Variants in ADAM2 observed in about 807,000 individuals in gnomAD.
ADAM2 encodes the protein disintegrin and metalloproteinase domain-containing protein 2.
A neutral mutation model predicts 99.3 loss-of-function variants in ADAM2; 101 were observed. That is an observed-to-expected ratio of 1.02 (90% confidence interval 0.87 to 1.20). The LOEUF is 1.20. ADAM2 is among the 50% of genes most tolerant of loss of function. ADAM2 has a pLI of 0.00. For missense variants in ADAM2, 948 were observed against 878.7 expected, an observed-to-expected ratio of 1.08 and a Z score of -1.00; for synonymous variants, 323 against 287.6, an observed-to-expected ratio of 1.12 and a Z score of -1.25.
Position 39,837,216 on chromosome 8 carries a change from C to T in ADAM2, c.56-4G>A, listed in dbSNP as rs1222730369. 4 of 1,588,040 alleles carry T rather than the reference C, an allele frequency of 2.5e-6. No individual in the cohort carries two copies. The Admixed American group carries it at 6.9e-5, about 27-fold the overall frequency. ...TGCACAGGTAAACTATCAAAATCTG[C>T]AAAATGTGCAAAATGTTTTATTAGA... On this transcript the variant is annotated splice_polypyrimidine_tract_variant and splice_region_variant and intron_variant, in intron 1 of 20. Transcript: ENST00000265708.
rs567990399 is a variant in ADAM2 at position 39,834,913 on chromosome 8, C to T, written c.133-914G>A. Among the ~76,000 whole-genome samples, 15 of 152,094 alleles carry T rather than the reference C, an allele frequency of 9.9e-5. No individual in the cohort carries two copies. The South Asian group carries it at 3.1e-3, about 32-fold the overall frequency. On this transcript the variant is annotated intron_variant, in intron 2 of 20. Coordinates refer to ENST00000265708, the MANE Select transcript of ADAM2 (RefSeq NM_001464.5). The stretch of plus-strand genomic sequence containing the variant: ...TTGTGGAATGCTTTTTCTGGGTCTC[C>T]TGGTGTCTTCATATCCACATGTGTC...
intron 10 of ADAM2, among the ~76,000 whole-genome samples, chr8:39,778,802 A>G (rs13255131): frequency 0.71 from 107,695 of 151,962 alleles, 38,814 homozygotes; most frequent in East Asian, 0.87. Flanking sequence ...AATTTCAAGA[A>G]GCTAAATACT....
At chr8:39,810,130 T>C (rs1407891043) in intron 6 of ADAM2, among the ~76,000 whole-genome samples, 7 of 151,638 alleles carry the variant, frequency 4.6e-5, no homozygotes, top group Admixed American at 2.0e-4. Flanking sequence ...GCAGGGGTTG[T>C]AAACCTAGTC....
At chr8:39,789,517 G>A (rs1056177273) in intron 7 of ADAM2, among the ~76,000 whole-genome samples, 2 of 151,754 alleles carry the variant, frequency 1.3e-5, no homozygotes, top group Admixed American at 6.6e-5. Context: ...AACAAAGTTG[G>A]AGGATTCACA....
At chr8:39,787,727 T>G (rs1351887840) in intron 9 of ADAM2, among the ~76,000 whole-genome samples, 1 of 151,640 alleles carries the variant, frequency 6.6e-6, no homozygotes, top group Non-Finnish European at 1.5e-5. Flanking sequence ...ACTTTTTAAT[T>G]TACAACAACA....
At chr8:39,787,746 C>A (rs1232804751) in intron 9 of ADAM2, among the ~76,000 whole-genome samples, 3 of 151,418 alleles carry the variant, frequency 2.0e-5, no homozygotes, top group Non-Finnish European at 4.4e-5. Context: ...CAAATCATAA[C>A]AAGAAGGCTG....
At chr8:39,819,876 C>T (rs1401305418) in intron 6 of ADAM2, among the ~76,000 whole-genome samples, 1 of 151,180 alleles carries the variant, frequency 6.6e-6, no homozygotes, top group Non-Finnish European at 1.5e-5. Flanking sequence ...TTTCTATTCT[C>T]TGGAGAACCC....
intron 16 of ADAM2, among the ~76,000 whole-genome samples, chr8:39,754,643 A>C (rs1190643755): frequency 6.6e-6 from 1 of 152,164 alleles, no homozygotes; most frequent in Non-Finnish European, 1.5e-5. Context: ...ATACACTCTT[A>C]CTTACTAATT....
intron 7 of ADAM2, among the ~76,000 whole-genome samples, chr8:39,793,797 A>G (rs975997712): frequency 6.6e-6 from 1 of 152,120 alleles, no homozygotes; most frequent in Admixed American, 6.6e-5. Context: ...GAGAATTTCT[A>G]TTTGAGGGAC....
chr8:39,834,661 G>A (rs35195222), intron 2 of ADAM2, among the ~76,000 whole-genome samples: 1 of 149,628 alleles, frequency 6.7e-6, no homozygotes, highest in Non-Finnish European at 1.5e-5. Context: ...TTGAACCTTG[G>A]GAGGCGGAGG....
chr8:39,824,723 G>T, intron 4 of ADAM2, 96 bp downstream of exon 4: 1 of 719,584 alleles, frequency 1.4e-6, no homozygotes, highest in South Asian at 1.6e-5. Flanking sequence ...AAGAAGCCAT[G>T]ACCCAACACT....
chr8:39,833,518 A>G (rs1323315163), intron 3 of ADAM2, among the ~76,000 whole-genome samples: 2 of 152,136 alleles, frequency 1.3e-5, no homozygotes, highest in Non-Finnish European at 2.9e-5. Context: ...ATTTTATTTA[A>G]TTTTAACTTA....
At chr8:39,783,855 G>C (rs527902485) in intron 10 of ADAM2, among the ~76,000 whole-genome samples, 3 of 152,052 alleles carry the variant, frequency 2.0e-5, no homozygotes, top group Non-Finnish European at 4.4e-5. Context: ...AGGAGGCTGA[G>C]GCAGGAGAAT....
chr8:39,787,899 T>C (rs926598883), intron 9 of ADAM2, among the ~76,000 whole-genome samples, 186 bp downstream of exon 9: 2 of 151,696 alleles, frequency 1.3e-5, no homozygotes, highest in African/African-American at 4.8e-5. Context: ...GAGTTTTAAC[T>C]TCAAACCAAT....
Position 39,788,658 on chromosome 8 carries a change from C to A in ADAM2, c.642+11G>T, listed in dbSNP as rs1178345120. The A allele has an allele frequency of 4.5e-6, 7 of 1,557,388 alleles. No individual in the cohort carries two copies. The highest frequency in any genetic ancestry group is 5.2e-6 in the Non-Finnish European group (6 of 1,145,890). On this transcript the variant is annotated intron_variant, in intron 8 of 20. Transcript: ENST00000265708. ...CAAGAAGTGCAAAAGTACTAAGAAG[C>A]AAAGACTTACAGCATTCGTCAATCC...
At chr8:39,837,022 G>A (rs1473283923) in intron 2 of ADAM2, 114 bp downstream of exon 2, 2 of 712,606 alleles carry the variant, frequency 2.8e-6, no homozygotes, top group Admixed American at 7.1e-5. Context: ...GGGAAAATTT[G>A]GTATAAATAT....
intron 10 of ADAM2, among the ~76,000 whole-genome samples, chr8:39,779,644 AAC>A (rs1803139237): frequency 6.6e-6 from 1 of 152,190 alleles, no homozygotes; most frequent in Admixed American, 6.5e-5. Flanking sequence ...AAAAAATTTC[AAC>A]AGAGCAGACA....
At chr8:39,767,962 T>A (rs1231815164) in intron 12 of ADAM2, among the ~76,000 whole-genome samples, 1 of 151,290 alleles carries the variant, frequency 6.6e-6, no homozygotes, top group African/African-American at 2.4e-5. Flanking sequence ...TAAAATAGGG[T>A]AAATTGGAAA....
At chr8:39,810,197 C>T (rs1281994113) in intron 6 of ADAM2, among the ~76,000 whole-genome samples, 2 of 152,154 alleles carry the variant, frequency 1.3e-5, no homozygotes, top group African/African-American at 2.4e-5. Context: ...AAGGCCATTA[C>T]ATAATGGTAA....
Sources: gnomAD v4.1 joint callset for allele counts (sites outside exome capture counted in the v4.1 genomes callset) on GRCh38, gnomAD v4.1.1 for gene constraint, MANE v1.5 for transcripts, NCBI Gene and HGNC (gene_info 2026-07-23, HGNC 2026-07-21) for gene names.